The following SORCS3 variants were observed in gnomAD, a reference collection of about 807,000 sequenced individuals.
SORCS3 encodes the protein sortilin related VPS10 domain containing receptor 3.
Under a neutral mutation model 146.3 loss-of-function variants are expected in SORCS3, and 57 were observed. The observed-to-expected ratio is 0.39, with a 90% confidence interval of 0.31 to 0.49. The LOEUF is 0.49. Among genes scored for constraint, SORCS3 ranks in the 20% least tolerant of loss-of-function variants. The probability of loss-of-function intolerance (pLI) is 0.92; values close to 1 mark genes in which losing one functional copy is unlikely to be tolerated. For missense variants in SORCS3, 1,341 were observed against 1,575.5 expected, an observed-to-expected ratio of 0.85 and a Z score of 2.52; for synonymous variants, 653 against 618.5, an observed-to-expected ratio of 1.06 and a Z score of -0.83.
chr10:104,976,516 A>G (rs1204833404), intron 3 of SORCS3, among the ~76,000 whole-genome samples: 2 of 152,110 alleles, frequency 1.3e-5, no homozygotes, highest in Admixed American at 6.5e-5. Context: ...TTCCTCAGGG[A>G]TCTAGAACTA....
intron 16 of SORCS3, among the ~76,000 whole-genome samples, chr10:105,210,187 G>A (rs2056625591): frequency 1.3e-5 from 2 of 152,046 alleles, no homozygotes; most frequent in African/African-American, 4.8e-5. Context: ...TATACAGGAA[G>A]CAGAAAAAGA....
chr10:105,217,104 C>T lies in SORCS3; in HGVS notation c.2716C>T (p.Leu906Phe), dbSNP rs774186039. Residue 906 changes from leucine (L) to phenylalanine (F), a missense_variant, in exon 19 of 27, where the codon CTC (leucine) becomes TTC (phenylalanine). Physicochemically the swap from Leu to Phe is conservative, Grantham distance 22 (BLOSUM62 0). Transcript: ENST00000369701. ...ENNLGSDTAVLFLHVVCPVEH... is the reference protein window; with the variant it reads ...ENNLGSDTAVFFLHVVCPVEH... ...CAACCTTGGCTCAGACACAGCTGTC[C>T]TCTTCCTGCATGTGGTTTGTAAGTA... The T allele has an allele frequency of 1.2e-6, 2 of 1,614,078 alleles. No homozygotes were observed. Among genetic ancestry groups the T allele is most frequent in the East Asian group, 2.2e-5 (1 of 44,876 alleles).
At chr10:105,011,500 T>G (rs950728284) in intron 4 of SORCS3, among the ~76,000 whole-genome samples, 1 of 152,116 alleles carries the variant, frequency 6.6e-6, no homozygotes, top group Non-Finnish European at 1.5e-5. Context: ...GTATCAACAG[T>G]TCATTCCTTT....
At chr10:104,700,630 C>T (rs751073302) in intron 1 of SORCS3, among the ~76,000 whole-genome samples, 7 of 151,192 alleles carry the variant, frequency 4.6e-5, no homozygotes, top group Non-Finnish European at 1.0e-4. Context: ...GAGCAGTTTC[C>T]GAAGGAAGGG....
intron 9 of SORCS3, among the ~76,000 whole-genome samples, chr10:105,156,404 C>T (rs963409391): frequency 2.0e-5 from 3 of 152,188 alleles, no homozygotes; most frequent in Non-Finnish European, 4.4e-5. Flanking sequence ...GATAAATCTC[C>T]TTTAATCCTC....
intron 1 of SORCS3, among the ~76,000 whole-genome samples, chr10:104,717,347 A>G (rs2133442525): frequency 6.6e-6 from 1 of 151,544 alleles, no homozygotes; most frequent in East Asian, 1.9e-4. Flanking sequence ...ATGCAGTAAA[A>G]CAAAAAGAAA....
Position 104,892,066 on chromosome 10 carries a change from C to T in SORCS3, c.696-23767C>T, listed in dbSNP as rs7910286. 9.8e-3 allele frequency among the ~76,000 whole-genome samples: 1,491 copies of T among 152,272 alleles called. 17 individuals carry two copies. The highest frequency in any genetic ancestry group is 0.034 in the African/African-American group (1,415 of 41,552). On this transcript the variant is annotated intron_variant, in intron 2 of 26. Transcript: ENST00000369701. The stretch of plus-strand genomic sequence containing the variant: ...AGCGTGAATATTTTGTGAAGATTCT[C>T]ATTTTAAGTTTTACAACTTTATACT...
In SORCS3 at chr10:105,139,014, G is replaced by C. The variant is rs145430127; in HGVS notation, c.1213-383G>C. ...AAATACATTTGACAATTATGTTATG[G>C]TTGGAATGAATTAATAAACAATTCA... On this transcript the variant is annotated intron_variant, in intron 7 of 26. Transcript: ENST00000369701. Among the ~76,000 whole-genome samples the C allele has an allele frequency of 1.8e-3, 267 of 152,340 alleles. 1 individual carries two copies. The highest frequency in any genetic ancestry group is 6.1e-3 in the African/African-American group (255 of 41,578).
chr10:104,782,683 A>G (rs1180104327), intron 1 of SORCS3, among the ~76,000 whole-genome samples: 1 of 152,170 alleles, frequency 6.6e-6, no homozygotes, highest in African/African-American at 2.4e-5. Context: ...CTGGGCCAAG[A>G]GTCAGGCATG....
chr10:104,997,546 T>C (rs1205468827), intron 4 of SORCS3, among the ~76,000 whole-genome samples: 1 of 152,168 alleles, frequency 6.6e-6, no homozygotes, highest in African/African-American at 2.4e-5. Flanking sequence ...CTGTAGATGC[T>C]TCCAGTCTTG....
At chr10:104,792,833 G>A (rs1015245029) in intron 1 of SORCS3, among the ~76,000 whole-genome samples, 27 of 151,962 alleles carry the variant, frequency 1.8e-4, no homozygotes, top group Admixed American at 1.6e-3. Flanking sequence ...GACTGTGGGA[G>A]TCTCATTCTT....
At chr10:104,726,906 G>A (rs1186527269) in intron 1 of SORCS3, among the ~76,000 whole-genome samples, 1 of 152,126 alleles carries the variant, frequency 6.6e-6, no homozygotes, top group Admixed American at 6.5e-5. Context: ...GTTCAATCTG[G>A]TATGTTCCCT....
chr10:105,073,793 G>C (rs1367395121), intron 5 of SORCS3, among the ~76,000 whole-genome samples: 1 of 152,086 alleles, frequency 6.6e-6, no homozygotes, highest in Non-Finnish European at 1.5e-5. Context: ...GTCACAGTTT[G>C]TTCCCAGGTG....
chr10:104,769,226 C>G (rs755290906), intron 1 of SORCS3, among the ~76,000 whole-genome samples: 43 of 152,224 alleles, frequency 2.8e-4, no homozygotes, highest in Non-Finnish European at 1.5e-4. Flanking sequence ...AAATGACACT[C>G]CTTCCAGGGG....
chr10:104,888,872 G>A (rs1056623082), intron 2 of SORCS3, among the ~76,000 whole-genome samples: 2 of 152,126 alleles, frequency 1.3e-5, no homozygotes, highest in African/African-American at 4.8e-5. Flanking sequence ...TGGGGGCCTC[G>A]AGGGCAACAG....
chr10:104,857,430 G>A (rs570176307), intron 2 of SORCS3, among the ~76,000 whole-genome samples: 1 of 152,226 alleles, frequency 6.6e-6, no homozygotes, highest in South Asian at 2.1e-4. Flanking sequence ...GGAATAGTTT[G>A]CACAATGTTA....
intron 6 of SORCS3, among the ~76,000 whole-genome samples, chr10:105,097,742 C>G (rs150772837): frequency 1.3e-5 from 2 of 152,082 alleles, no homozygotes; most frequent in Non-Finnish European, 2.9e-5. Flanking sequence ...ATGAACAAAG[C>G]AGTAACAACA....
At chr10:105,155,049 C>T (rs1454228175) in intron 9 of SORCS3, among the ~76,000 whole-genome samples, 1 of 152,222 alleles carries the variant, frequency 6.6e-6, no homozygotes, top group Non-Finnish European at 1.5e-5. Flanking sequence ...GAAGCATCCT[C>T]ACAGCTGCAA....
At chr10:104,860,088 T>TA (rs545884399) in intron 2 of SORCS3, among the ~76,000 whole-genome samples, 1,439 of 122,466 alleles carry the variant, frequency 0.012, 25 homozygotes, top group African/African-American at 0.04. Context: ...CAAAGGACTA[T>TA]AAATCATGCT....
Sources: gnomAD v4.1 joint callset for allele counts (sites outside exome capture counted in the v4.1 genomes callset) on GRCh38, gnomAD v4.1.1 for gene constraint, MANE v1.5 for transcripts, NCBI Gene and HGNC (gene_info 2026-07-23, HGNC 2026-07-21) for gene names.